GTF2IRD1: variants seen among roughly 807,000 people sequenced by gnomAD.
GTF2IRD1 encodes the protein GTF2I repeat domain containing 1, also known as general transcription factor II-I repeat domain-containing protein 1.
In GTF2IRD1, 26 loss-of-function variants were observed where a neutral mutation model predicts 113.2. The ratio of observed to expected loss-of-function variants is 0.23; its 90% CI spans 0.17 to 0.32. The LOEUF is 0.32. GTF2IRD1 is among the 10% of genes least tolerant of loss of function. GTF2IRD1 has a pLI of 1.00. For synonymous variants in GTF2IRD1, 484 were observed against 529.1 expected (o/e 0.91, Z 1.17); for missense variants, 864 against 1,280.8 (o/e 0.67, Z 4.97).
At chr7:74,489,453 C>T (rs1795210879) in intron 1 of GTF2IRD1, among the ~76,000 whole-genome samples, 2 of 152,094 alleles carry the variant, frequency 1.3e-5, no homozygotes, top group South Asian at 4.1e-4. Flanking sequence ...AGCGATTCTC[C>T]TGCCTCAGCC....
chr7:74,580,102 T>C (rs1801323142), intron 22 of GTF2IRD1, among the ~76,000 whole-genome samples: 1 of 152,182 alleles, frequency 6.6e-6, no homozygotes, highest in Admixed American at 6.6e-5. Flanking sequence ...GAATTCCTGC[T>C]AAACCTGTGC....
chr7:74,542,534 A>G (rs1798691004), intron 14 of GTF2IRD1, among the ~76,000 whole-genome samples: 1 of 152,254 alleles, frequency 6.6e-6, no homozygotes, highest in African/African-American at 2.4e-5. Context: ...GTAGAGCAAA[A>G]CAGTAGCAGT....
At chr7:74,477,318 C>T (rs1413819769) in intron 1 of GTF2IRD1, among the ~76,000 whole-genome samples, 3 of 149,790 alleles carry the variant, frequency 2.0e-5, no homozygotes, top group East Asian at 3.9e-4. Context: ...GAGCTAAGAT[C>T]GCACCAGTGC....
At position 74,539,913 on chromosome 7, in the gene GTF2IRD1, G is replaced by A. The variant is rs373806531; in HGVS notation, c.1563G>A (p.Ser521=). 14 of 1,613,152 alleles carry A rather than the reference G, an allele frequency of 8.7e-6. No individual in the cohort carries two copies. Among genetic ancestry groups the A allele is most frequent in the Non-Finnish European group, 1.1e-5 (13 of 1,179,820 alleles). Residue 521 remains serine, a synonymous_variant, in exon 14 of 27, where the codon TCG becomes TCA. Transcript: ENST00000424337. ...PSPTSEEMTD[S]MPGHLPSEDS... ...CAACCTCTGAGGAAATGACAGACTC[G>A]ATGCCTGGGCACCTGCCATCGGAGG...
At chr7:74,570,697 C>T (rs587764364) in intron 22 of GTF2IRD1, among the ~76,000 whole-genome samples, 82 of 152,222 alleles carry the variant, frequency 5.4e-4, no homozygotes, top group African/African-American at 1.8e-3. Context: ...CAGTGGTTAA[C>T]GTTTTTTAAA....
intron 19 of GTF2IRD1, 85 bp from the exon 20 acceptor site, chr7:74,557,554 A>G (rs1189376581): frequency 9.1e-6 from 8 of 878,042 alleles, no homozygotes; most frequent in African/African-American, 1.7e-5. Context: ...GGAGTTCCCC[A>G]TAATTAGAAA....
At chr7:74,456,187 C>T (rs1792961476) in intron 1 of GTF2IRD1, among the ~76,000 whole-genome samples, 1 of 152,112 alleles carries the variant, frequency 6.6e-6, no homozygotes, top group South Asian at 2.1e-4. Context: ...GCTGTTTTTG[C>T]AGCCTGCTTG....
chr7:74,529,487 C>T (rs782300708), intron 8 of GTF2IRD1, among the ~76,000 whole-genome samples: 1 of 152,130 alleles, frequency 6.6e-6, no homozygotes, highest in Non-Finnish European at 1.5e-5. Flanking sequence ...AACTCCTGGG[C>T]TCAAGCCATC....
At chr7:74,510,667 C>A (rs782542015) in intron 2 of GTF2IRD1, among the ~76,000 whole-genome samples, 33 of 152,280 alleles carry the variant, frequency 2.2e-4, no homozygotes, top group Non-Finnish European at 4.9e-4. Flanking sequence ...GTTGCACCAG[C>A]CTCATTTTAC....
At chr7:74,593,662 G>T (rs1802211313) in intron 24 of GTF2IRD1, among the ~76,000 whole-genome samples, 2 of 150,972 alleles carry the variant, frequency 1.3e-5, no homozygotes. Flanking sequence ...GAACCTGGGA[G>T]GCGGAGCTTG....
chr7:74,533,777 T>A (rs1798115982), intron 9 of GTF2IRD1, among the ~76,000 whole-genome samples: 1 of 152,110 alleles, frequency 6.6e-6, no homozygotes, highest in Non-Finnish European at 1.5e-5. Flanking sequence ...CTCTTGTCTG[T>A]AATCCCAGCG....
intron 22 of GTF2IRD1, among the ~76,000 whole-genome samples, chr7:74,567,181 C>T (rs1406577944): frequency 2.6e-5 from 4 of 151,652 alleles, no homozygotes; most frequent in South Asian, 2.1e-4. Flanking sequence ...TACAAAAATT[C>T]GCTGGGCATG....
intron 1 of GTF2IRD1, among the ~76,000 whole-genome samples, chr7:74,454,585 C>CG (rs1554326671): frequency 2.2e-5 from 2 of 90,728 alleles, no homozygotes. Flanking sequence ...CGGTCCCCGC[C>CG]TTTCCCCCCT....
At chr7:74,595,127 C>T (rs1384472029) in intron 25 of GTF2IRD1, 76 bp downstream of exon 25, 17 of 1,056,072 alleles carry the variant, frequency 1.6e-5, no homozygotes, top group African/African-American at 9.6e-5. Flanking sequence ...AAGGTAGACC[C>T]GGGCGCAGTG....
At chr7:74,586,963 G>C (rs1801750557) in intron 22 of GTF2IRD1, among the ~76,000 whole-genome samples, 1 of 152,124 alleles carries the variant, frequency 6.6e-6, no homozygotes, top group African/African-American at 2.4e-5. Flanking sequence ...CTGTGCAACA[G>C]AGAGAGACTC....
At chr7:74,492,238 T>A (rs944806031) in intron 1 of GTF2IRD1, among the ~76,000 whole-genome samples, 1 of 151,150 alleles carries the variant, frequency 6.6e-6, no homozygotes, top group Non-Finnish European at 1.5e-5. Context: ...TGGCGTGATC[T>A]CGGCTCACCG....
Position 74,538,682 on chromosome 7 carries a change from A to G in GTF2IRD1, c.1450A>G (p.Thr484Ala). 6.3e-7 allele frequency: 1 copy of G among 1,580,822 alleles called. No individual in the cohort carries two copies. Among genetic ancestry groups the G allele is most frequent in the Non-Finnish European group, 8.7e-7 (1 of 1,149,946 alleles). Residue 484 changes from threonine to alanine, a missense_variant and splice_region_variant, in exon 13 of 27, where the codon ACC (threonine) becomes GCC (alanine). By Grantham distance (58) the Thr-to-Ala change is moderately conservative. This residue lies in a region of GTF2IRD1 where 218 missense variants were observed against 352.6 expected (regional missense o/e 0.62). Transcript: ENST00000424337. ...GATTCTTCCTTTCCTCCTTGCAGGA[A>G]CCTCCGGGGAGCTGGGCGGGCTGAG... is the stretch of plus-strand genomic sequence containing the variant. The part of the protein sequence containing the change: ...GSMSEDCGPG[T>A]SGELGGLRPI...
At chr7:74,482,641 G>C (rs1257352016) in intron 1 of GTF2IRD1, among the ~76,000 whole-genome samples, 1 of 152,050 alleles carries the variant, frequency 6.6e-6, no homozygotes, top group Non-Finnish European at 1.5e-5. Context: ...AAACAGCATT[G>C]ACAAGCCCCT....
intron 22 of GTF2IRD1, among the ~76,000 whole-genome samples, chr7:74,577,647 TTTC>T (rs1328365993): frequency 1.3e-5 from 2 of 152,008 alleles, no homozygotes; most frequent in Non-Finnish European, 2.9e-5. Flanking sequence ...CACTGGTTGA[TTTC>T]TTTTTTAATT....
Sources: allele counts gnomAD v4.1 joint callset (sites outside exome capture counted in the v4.1 genomes callset), GRCh38; gene constraint gnomAD v4.1.1; regional missense constraint gnomAD v4.1.1; transcripts MANE v1.5; gene names NCBI Gene and HGNC (gene_info 2026-07-23, HGNC 2026-07-21).